L1CAM: variants seen among roughly 807,000 people sequenced by gnomAD.
The protein encoded by L1CAM is neural cell adhesion molecule L1.
A neutral mutation model predicts 93.0 loss-of-function variants in L1CAM; 8 were observed. That is an observed-to-expected ratio of 0.09 (90% CI 0.05 to 0.16). The LOEUF (loss-of-function observed/expected upper bound fraction) is 0.16. Ranked by LOEUF, L1CAM falls within the 10% of genes least tolerant of loss-of-function variation. L1CAM has a pLI of 1.00. For missense variants in L1CAM, 777 were observed against 1,073.4 expected, an observed-to-expected ratio of 0.72 and a Z score of 3.86; for synonymous variants, 453 against 453.0, an observed-to-expected ratio of 1.00 and a Z score of 0.00.
In L1CAM at chrX:153,864,867, G is replaced by A. The variant is rs149420127; in HGVS notation, c.3000C>T (p.Gly1000=). 6.6e-6 allele frequency: 8 copies of A among 1,211,178 alleles called. No individual in the cohort carries two copies. Among genetic ancestry groups the A allele is most frequent in the Non-Finnish European group, 8.9e-6 (8 of 895,323 alleles). ...CTTCCCGTACGATGGCTTCACCAGG[G>A]CCCTCTTTGGTGGTGGCCTGAAGCT... The part of the protein sequence containing the change: ...RFQLQATTKE[G]PGEAIVREGG... Residue 1000 remains glycine (G), a synonymous_variant, in exon 23 of 29, where the codon GGC becomes GGT. Coordinates refer to ENST00000370060, the MANE Select transcript of L1CAM (RefSeq NM_001278116.2).
rs782085756 is a variant in L1CAM, at chrX:153,869,954, C to T, written c.992-20G>A. On this transcript the variant is annotated intron_variant, in intron 9 of 28. Coordinates refer to ENST00000370060, the MANE Select transcript of L1CAM (RefSeq NM_001278116.2). ...GGGCAGCTGGGAGGAAGGGGAGAGCCGCCCTGAGCCCGCAGCCAGCAGCTG... is the reference window on the plus strand; with the variant it reads ...GGGCAGCTGGGAGGAAGGGGAGAGCTGCCCTGAGCCCGCAGCCAGCAGCTG... 9 of 1,207,443 alleles carry T rather than the reference C, an allele frequency of 7.5e-6. No homozygotes were observed. The African/African-American group carries it at 8.7e-5, about 12-fold the overall frequency.
rs1324737204 is a variant in L1CAM at position 153,872,714 on chromosome X, G to A, written c.92-17C>T. The A allele has an allele frequency of 1.7e-6, 2 of 1,152,361 alleles. No individual in the cohort carries two copies. The highest frequency in any genetic ancestry group is 1.8e-5 in the African/African-American group (1 of 55,918). The allele number at this position is 1,152,361 out of a possible 1,213,427, so 95.0% of individuals were successfully genotyped here. A position where few individuals can be genotyped will look rare whatever the true frequency, so the allele number is the denominator to read the frequency against. ...GCTCCATCACTGAAGACAGGGTGGAGAGAGCGGTGGTGAGGGTGCTGCCTG... is the reference window on the plus strand; with the variant it reads ...GCTCCATCACTGAAGACAGGGTGGAAAGAGCGGTGGTGAGGGTGCTGCCTG... On this transcript the variant is annotated splice_polypyrimidine_tract_variant and intron_variant, in intron 3 of 28. Transcript: ENST00000370060.
Position 153,875,927 on chromosome X carries a change from G to T in L1CAM, c.-91C>A. The T allele has an allele frequency of 1.5e-6, 1 of 688,310 alleles. No homozygotes were observed. The highest frequency in any genetic ancestry group is 2.2e-6 in the Non-Finnish European group (1 of 447,429). 56.7% of individuals were successfully genotyped at this position (688,310 alleles called of 1,213,427 possible). On this transcript the variant is annotated 5_prime_UTR_variant, in exon 2 of 29. Coordinates refer to ENST00000370060, the MANE Select transcript of L1CAM (RefSeq NM_001278116.2). ...GGGGCTGGTGGGCGGCTTGGGGCGG[G>T]AGTTGGGAGTGGGGGCACTGGGAGA...
rs782501704 is a variant in L1CAM at position 153,866,746 on chromosome X, C to T, written c.2334G>A (p.Thr778=). ...VSDPFLVVSN[T]STFVPYEIKV... ...TGATCTCATAGGGCACGAAGGTGGA[C>T]GTGTTGGACACCACCAGGAAGGGGT... Residue 778 remains threonine (T), a synonymous_variant, in exon 19 of 29, where the codon ACG becomes ACA. Coordinates refer to ENST00000370060, the MANE Select transcript of L1CAM (RefSeq NM_001278116.2). The T allele has an allele frequency of 2.3e-5, 28 of 1,209,432 alleles. No individual in the cohort carries two copies. The highest frequency in any genetic ancestry group is 2.9e-5 in the Non-Finnish European group (26 of 894,742).
At chrX:153,884,661 C>T (rs1310125737) in intron 1 of L1CAM, among the ~76,000 whole-genome samples, 2 of 109,522 alleles carry the variant, frequency 1.8e-5, no homozygotes, top group Non-Finnish European at 3.8e-5. Flanking sequence ...GTGGCCAAGA[C>T]AGCCGAGTCC....
intron 2 of L1CAM, chrX:153,875,560 C>T (rs1443174821): frequency 1.9e-6 from 1 of 515,297 alleles, no homozygotes; most frequent in Non-Finnish European, 3.5e-6. Flanking sequence ...GTCCATGGTC[C>T]TGACACGCCC....
intron 1 of L1CAM, chrX:153,876,342 A>C: frequency 4.7e-6 from 1 of 210,802 alleles, no homozygotes; most frequent in Non-Finnish European, 8.7e-6. Context: ...AGTGAGCTGT[A>C]TGTGAGCTGG....
At position 153,870,548 on chromosome X, in the gene L1CAM, C is replaced by T. The variant is rs781964251; in HGVS notation, c.695-49G>A. On this transcript the variant is annotated intron_variant, in intron 7 of 28. Coordinates refer to ENST00000370060, the MANE Select transcript of L1CAM (RefSeq NM_001278116.2). ...GGGCTGCCCACTCTTCCCTCCACCC[C>T]AGAATTGCAAGGCTGAGGGACTCGA... 2.1e-5 allele frequency: 22 copies of T among 1,063,347 alleles called. No homozygotes were observed. The South Asian group carries it at 4.0e-4, about 19-fold the overall frequency. The allele number at this position is 1,063,347 out of a possible 1,213,427, so 87.6% of individuals were successfully genotyped here.
At chrX:153,883,950 G>A in intron 1 of L1CAM, 2 of 341,403 alleles carry the variant, frequency 5.9e-6, no homozygotes, top group Non-Finnish European at 1.2e-5. Flanking sequence ...CTGGCCAGGT[G>A]CATGCCAAGG....
intron 1 of L1CAM, chrX:153,880,431 C>T: frequency 1.3e-5 from 3 of 230,747 alleles, no homozygotes; most frequent in South Asian, 8.5e-5. Flanking sequence ...TTCTCCTGCC[C>T]TTGTCTCCTG....
In L1CAM at chrX:153,866,917, G is replaced by A. The variant is rs782363638; in HGVS notation, c.2209-46C>T. 1.2e-5 allele frequency: 14 copies of A among 1,147,054 alleles called. No individual in the cohort carries two copies. The East Asian group carries it at 3.6e-4, about 29-fold the overall frequency. 94.5% of individuals were successfully genotyped at this position (1,147,054 alleles called of 1,213,427 possible). ...AGGAGTTGGTTGGCCAAGAACACCA[G>A]CATTCTTTGGCCCGCCCCCCAGCAC... On this transcript the variant is annotated intron_variant, in intron 18 of 28. Transcript: ENST00000370060.
intron 28 of L1CAM, among the ~76,000 whole-genome samples, 166 bp from the exon 29 acceptor site, chrX:153,863,060 C>T (rs966350678): frequency 3.6e-5 from 4 of 112,474 alleles, no homozygotes; most frequent in African/African-American, 1.3e-4. Flanking sequence ...CATCTTTGGG[C>T]ATTCCCCAGA....
chrX:153,866,596 G>C, intron 19 of L1CAM, 53 bp downstream of exon 19: 1 of 931,293 alleles, frequency 1.1e-6, no homozygotes, highest in Non-Finnish European at 1.6e-6. Context: ...ACATGGGCTG[G>C]GGTGGAAGCA....
Position 153,868,546 on chromosome X carries a change from C to T in L1CAM, c.1546+15G>A. 8.2e-7 allele frequency: 1 copy of T among 1,212,412 alleles called. No individual in the cohort carries two copies. The highest frequency in any genetic ancestry group is 1.1e-6 in the Non-Finnish European group (1 of 895,583). On this transcript the variant is annotated intron_variant, in intron 13 of 28. Coordinates refer to ENST00000370060, the MANE Select transcript of L1CAM (RefSeq NM_001278116.2). ...CCCAGAGGCACTGCCAGCCATGTGG[C>T]AAGGGTTGCCTGACCTTTAACCTTC...
intron 1 of L1CAM, among the ~76,000 whole-genome samples, chrX:153,876,988 G>C (rs1019445570): frequency 1.8e-5 from 2 of 108,867 alleles, no homozygotes; most frequent in African/African-American, 6.7e-5. Flanking sequence ...GATGGAGTGA[G>C]ACTCTGTCTA....
In L1CAM at chrX:153,869,859, A is replaced by G; in HGVS notation, c.1067T>C (p.Val356Ala). The stretch of plus-strand genomic sequence containing the variant: ...GACCTCTGGTTGGGGCCTGCCCTGG[A>G]CTTGGCAGTCCAGGCGGGCAGTCTC... ...PGETARLDCQ[V>A]QGRPQPEVTW... is the part of the protein sequence containing the mutation. Residue 356 changes from valine (V) to alanine (A), a missense_variant, in exon 10 of 29, where the codon GTC becomes GCC. Val to Ala is a moderately conservative substitution (Grantham distance 64). Transcript: ENST00000370060. 1 of 1,210,245 alleles carries G rather than the reference A, an allele frequency of 8.3e-7. No homozygotes were observed. The highest frequency in any genetic ancestry group is 1.1e-6 in the Non-Finnish European group (1 of 894,851).
chrX:153,862,099 C>G lies in L1CAM; in HGVS notation c.*564G>C, dbSNP rs1043529055. The G allele has an allele frequency of 3.5e-5, 4 of 113,828 alleles. No homozygotes were observed. The highest frequency in any genetic ancestry group is 5.5e-5 in the Non-Finnish European group (3 of 54,132). 9.4% of individuals were successfully genotyped at this position (113,828 alleles called of 1,213,427 possible). On this transcript the variant is annotated 3_prime_UTR_variant, in exon 29 of 29. Coordinates refer to ENST00000370060, the MANE Select transcript of L1CAM (RefSeq NM_001278116.2). ...GGGAAGAGGCGGTGCTGCCAGAGTG[C>G]GATGCTGGGAGTGGGGGGACTCTGG...
rs201371159 is a variant in L1CAM, at chrX:153,867,436, G to T, written c.2057C>A (p.Thr686Asn). 1.7e-5 allele frequency: 21 copies of T among 1,207,081 alleles called. No homozygotes were observed. Among genetic ancestry groups the T allele is most frequent in the Non-Finnish European group, 2.2e-5 (20 of 892,299 alleles). The stretch of plus-strand genomic sequence containing the variant: ...TTTGTTTATGGCAGTAACCCTAAAG[G>T]TGTAGTGGACATAGGGCGACAGCTT... ...TLKLSPYVHYTFRVTAINKYG... is the reference protein window; with the variant it reads ...TLKLSPYVHYNFRVTAINKYG... Residue 686 changes from threonine to asparagine, a missense_variant, in exon 17 of 29, where the codon ACC becomes AAC. Thr to Asn is a moderately conservative substitution (Grantham distance 65, BLOSUM62 0). Transcript: ENST00000370060.
At chrX:153,878,320 G>A (rs3761531) in intron 1 of L1CAM, among the ~76,000 whole-genome samples, 32,100 of 112,276 alleles carry the variant, frequency 0.29, 3,489 homozygotes, top group South Asian at 0.59. Context: ...CTGTGAATGC[G>A]GCAGATCCCG....
Sources: gnomAD v4.1 joint callset for allele counts (sites outside exome capture counted in the v4.1 genomes callset) on GRCh38, gnomAD v4.1.1 for gene constraint, MANE v1.5 for transcripts, NCBI Gene and HGNC (gene_info 2026-07-23, HGNC 2026-07-21) for gene names.